The following DGKI variants were observed in gnomAD, a reference collection of about 807,000 sequenced individuals.
DGKI encodes DAG kinase iota.
Under a neutral mutation model 147.5 loss-of-function variants are expected in DGKI, and 55 were observed. The ratio of observed to expected loss-of-function variants is 0.37; its 90% CI spans 0.30 to 0.47. The LOEUF is 0.47. DGKI is among the 20% of genes least tolerant of loss of function. The probability of loss-of-function intolerance (pLI) is 1.00; values close to 1 mark genes in which losing one functional copy is unlikely to be tolerated. For missense variants in DGKI, 1,007 were observed against 1,323.8 expected (o/e 0.76, Z 3.71); for synonymous variants, 469 against 477.1 (o/e 0.98, Z 0.22).
At chr7:137,754,497 A>G (rs1393085775) in intron 1 of DGKI, among the ~76,000 whole-genome samples, 1 of 152,196 alleles carries the variant, frequency 6.6e-6, no homozygotes, top group Non-Finnish European at 1.5e-5. Flanking sequence ...TTCACCAGCC[A>G]GATGCAGCAA....
Position 137,715,226 on chromosome 7 carries a change from T to C in DGKI, c.402-25224A>G, listed in dbSNP as rs1355722664. On this transcript the variant is annotated intron_variant, in intron 1 of 32. Coordinates refer to ENST00000614521, the MANE Select transcript of DGKI (RefSeq NM_001321708.2). Reference sequence around the variant, plus strand: ...TCAATATTTGGAAAACCTCCCTCGGTGATTCAAATGTGCAGCCAGGGCTAA... The same window carrying C: ...TCAATATTTGGAAAACCTCCCTCGGCGATTCAAATGTGCAGCCAGGGCTAA... Among the ~76,000 whole-genome samples, 3 of 152,190 alleles carry C rather than the reference T, an allele frequency of 2.0e-5. No homozygotes were observed. In the South Asian group the frequency reaches 6.2e-4, roughly 32 times the overall value.
In DGKI at chr7:137,588,475, CT is replaced by C. The variant is rs71533759; in HGVS notation, c.1312-1266del. ...TAACACAAAGATGGACATACCGATGCTTTTTTTTTTTTTTTTTTTGAGATGG... is the reference window on the plus strand; with the variant it reads ...TAACACAAAGATGGACATACCGATGCTTTTTTTTTTTTTTTTTTGAGATGG... On this transcript the variant is annotated intron_variant, in intron 12 of 32. Coordinates refer to ENST00000614521, the MANE Select transcript of DGKI (RefSeq NM_001321708.2). 9.5e-3 allele frequency among the ~76,000 whole-genome samples: 1,114 copies of C among 116,688 alleles called. 4 individuals are homozygous for C. Among genetic ancestry groups the C allele is most frequent in the African/African-American group, 0.032 (881 of 27,466 alleles). The allele number at this position is 116,688 out of a possible 152,430, so 76.6% of individuals were successfully genotyped here.
chr7:137,403,164 C>G (rs1056263199), intron 30 of DGKI, among the ~76,000 whole-genome samples: 1 of 152,130 alleles, frequency 6.6e-6, no homozygotes, highest in South Asian at 2.1e-4. Flanking sequence ...GGAATCCCTG[C>G]ATCCTTAGTC....
intron 23 of DGKI, among the ~76,000 whole-genome samples, chr7:137,484,581 C>T (rs759855312): frequency 6.6e-5 from 10 of 151,854 alleles, no homozygotes; most frequent in South Asian, 2.1e-4. Context: ...TCCTTGCAGT[C>T]GGGAGTAATA....
At chr7:137,690,771 G>A (rs1357844953) in intron 1 of DGKI, among the ~76,000 whole-genome samples, 1 of 152,100 alleles carries the variant, frequency 6.6e-6, no homozygotes, top group African/African-American at 2.4e-5. Flanking sequence ...GGCTACTTTA[G>A]CAAAGCAAAT....
chr7:137,418,792 C>T (rs10808292), intron 28 of DGKI, among the ~76,000 whole-genome samples: 61,807 of 151,888 alleles, frequency 0.41, 13,104 homozygotes, highest in East Asian at 0.74. Context: ...CTTGAAAAGA[C>T]GTAGGGAAAA....
rs60719355 is a variant in DGKI at position 137,569,728 on chromosome 7, C to CAAAAAAAAAAAAA, written c.1947+1434_1947+1446dup. ...TGGGCAACAGAGTGAGACTCTGTCT[C>CAAAAAAAAAAAAA]AAAAAAAAAAAAAAAAAAAAAAAAA... is the stretch of plus-strand genomic sequence containing the variant. On this transcript the variant is annotated intron_variant, in intron 19 of 32. Coordinates refer to ENST00000614521, the MANE Select transcript of DGKI (RefSeq NM_001321708.2). Among the ~76,000 whole-genome samples the CAAAAAAAAAAAAA allele has an allele frequency of 8.2e-4, 53 of 64,618 alleles. 10 individuals are homozygous for CAAAAAAAAAAAAA. The highest frequency in any genetic ancestry group is 1.2e-3 in the Non-Finnish European group (41 of 34,852). The allele number at this position is 64,618 out of a possible 152,430, so 42.4% of individuals were successfully genotyped here. A position where few individuals can be genotyped will look rare whatever the true frequency, so the allele number is the denominator to read the frequency against.
intron 28 of DGKI, among the ~76,000 whole-genome samples, chr7:137,443,177 A>G (rs968160679): frequency 2.0e-5 from 3 of 152,234 alleles, no homozygotes; most frequent in Non-Finnish European, 4.4e-5. Flanking sequence ...AGATTCCATC[A>G]TTTAGTGCTT....
At chr7:137,607,286 T>G (rs1056300629) in intron 10 of DGKI, among the ~76,000 whole-genome samples, 1 of 152,242 alleles carries the variant, frequency 6.6e-6, no homozygotes, top group South Asian at 2.1e-4. Flanking sequence ...AGAAGTCACA[T>G]GCAGTTAATG....
intron 20 of DGKI, among the ~76,000 whole-genome samples, chr7:137,535,370 T>G (rs1817482173): frequency 6.6e-6 from 1 of 152,104 alleles, no homozygotes; most frequent in South Asian, 2.1e-4. Flanking sequence ...TAGAAAAATC[T>G]AAAAAACAAG....
chr7:137,610,323 A>G (rs1820323180), intron 8 of DGKI, among the ~76,000 whole-genome samples: 1 of 152,148 alleles, frequency 6.6e-6, no homozygotes, highest in Admixed American at 6.5e-5. Context: ...AAGTGCCTCA[A>G]ACTTGTTGAA....
chr7:137,802,969 T>C (rs185796553), intron 1 of DGKI, among the ~76,000 whole-genome samples: 88 of 152,046 alleles, frequency 5.8e-4, no homozygotes, highest in African/African-American at 2.1e-3. Context: ...GTTTAGGAGG[T>C]AAAATAAGAC....
At chr7:137,720,038 C>T (rs575751364) in intron 1 of DGKI, among the ~76,000 whole-genome samples, 2 of 152,184 alleles carry the variant, frequency 1.3e-5, no homozygotes, top group South Asian at 4.2e-4. Flanking sequence ...CTGGTCCCGC[C>T]TCACTGTATT....
At position 137,421,164 on chromosome 7, in the gene DGKI, C is replaced by T. The variant is rs541513831; in HGVS notation, c.2762-8957G>A. Among the ~76,000 whole-genome samples, 3 of 152,340 alleles carry T rather than the reference C, an allele frequency of 2.0e-5. No individual in the cohort carries two copies. The South Asian group carries it at 6.2e-4, about 32-fold the overall frequency. On this transcript the variant is annotated intron_variant, in intron 28 of 32. Transcript: ENST00000614521. ...CCACCTACCAGCTTCTCCTCCACTG[C>T]TGAAACATGGTGCAGAGCACACATC...
chr7:137,781,982 A>C (rs929287176), intron 1 of DGKI, among the ~76,000 whole-genome samples: 2 of 152,228 alleles, frequency 1.3e-5, no homozygotes, highest in Admixed American at 6.5e-5. Context: ...AGGCAGGAAT[A>C]GCTTGCAGCT....
At chr7:137,429,056 A>G (rs966142285) in intron 28 of DGKI, among the ~76,000 whole-genome samples, 3 of 152,192 alleles carry the variant, frequency 2.0e-5, no homozygotes, top group Admixed American at 6.5e-5. Context: ...AAACTACTTT[A>G]AAGTTCATAT....
chr7:137,766,203 T>A (rs1321071949), intron 1 of DGKI, among the ~76,000 whole-genome samples: 2 of 152,314 alleles, frequency 1.3e-5, no homozygotes, highest in African/African-American at 4.8e-5. Context: ...CTCCCGTTAT[T>A]CTGAGACAAA....
intron 24 of DGKI, among the ~76,000 whole-genome samples, chr7:137,468,165 A>G (rs1814734998): frequency 6.6e-6 from 1 of 152,208 alleles, no homozygotes; most frequent in Non-Finnish European, 1.5e-5. Flanking sequence ...GCTTCTCTCC[A>G]AAGGCGACAG....
intron 20 of DGKI, among the ~76,000 whole-genome samples, chr7:137,535,191 T>C (rs1434268418): frequency 6.6e-6 from 1 of 152,170 alleles, no homozygotes; most frequent in Admixed American, 6.6e-5. Context: ...AACTAACTCC[T>C]TTTGTTCTAA....
Sources: allele counts gnomAD v4.1 joint callset (sites outside exome capture counted in the v4.1 genomes callset), GRCh38; gene constraint gnomAD v4.1.1; transcripts MANE v1.5; gene names NCBI Gene and HGNC (gene_info 2026-07-23, HGNC 2026-07-21).